Variants in NOL4 observed in about 807,000 individuals in gnomAD.
NOL4 encodes nucleolar protein 4, also known as cancer/testis antigen 125.
A neutral mutation model predicts 75.9 loss-of-function variants in NOL4; 17 were observed. That is an observed-to-expected ratio of 0.22 (90% CI 0.15 to 0.34). The LOEUF (loss-of-function observed/expected upper bound fraction) is 0.34, where lower values mean the gene tolerates loss of function less well. Ranked by LOEUF, NOL4 falls within the 10% of genes least tolerant of loss-of-function variation. NOL4 has a pLI of 1.00. For synonymous variants in NOL4, 292 were observed against 289.9 expected (o/e 1.01, Z -0.07); for missense variants, 614 against 793.5 (o/e 0.77, Z 2.72).
chr18:33,920,712 G>T (rs1398677478), intron 9 of NOL4, among the ~76,000 whole-genome samples: 1 of 152,196 alleles, frequency 6.6e-6, no homozygotes, highest in East Asian at 1.9e-4. Flanking sequence ...AATGTGTAAA[G>T]AATACTCATG....
chr18:34,148,640 G>A (rs149722376), intron 1 of NOL4, among the ~76,000 whole-genome samples: 352 of 151,998 alleles, frequency 2.3e-3, no homozygotes, highest in African/African-American at 7.8e-3. Flanking sequence ...CCAATTATGT[G>A]GTCAGTTTTA....
intron 9 of NOL4, among the ~76,000 whole-genome samples, chr18:33,887,539 T>C (rs1185213887): frequency 6.6e-6 from 1 of 151,908 alleles, no homozygotes; most frequent in Non-Finnish European, 1.5e-5. Flanking sequence ...TCATTTACAT[T>C]AGGTATTTCT....
intron 9 of NOL4, among the ~76,000 whole-genome samples, chr18:33,903,923 G>T (rs1038302987): frequency 6.6e-6 from 1 of 152,138 alleles, no homozygotes; most frequent in Non-Finnish European, 1.5e-5. Context: ...TTGCAGAAGA[G>T]ATGGGCACAT....
chr18:34,217,389 A>G (rs1054483108), intron 1 of NOL4, among the ~76,000 whole-genome samples: 4 of 151,764 alleles, frequency 2.6e-5, no homozygotes, highest in African/African-American at 9.7e-5. Context: ...GGTTCAAGCA[A>G]TTCTCCTGCC....
chr18:34,212,812 C>T (rs1231712200), intron 1 of NOL4, among the ~76,000 whole-genome samples: 1 of 152,146 alleles, frequency 6.6e-6, no homozygotes, highest in Non-Finnish European at 1.5e-5. Context: ...CCACATGCCC[C>T]CATTCCATTT....
At chr18:34,147,937 G>A (rs1600724874) in intron 1 of NOL4, among the ~76,000 whole-genome samples, 1 of 152,030 alleles carries the variant, frequency 6.6e-6, no homozygotes, top group African/African-American at 2.4e-5. Flanking sequence ...TCCCGGTTTA[G>A]TTTTGGGAGG....
At chr18:33,890,077 G>A (rs2065006914) in intron 9 of NOL4, among the ~76,000 whole-genome samples, 1 of 152,078 alleles carries the variant, frequency 6.6e-6, no homozygotes, top group African/African-American at 2.4e-5. Context: ...TATTCAGTTA[G>A]GAAAATAGGA....
At chr18:33,973,592 T>C (rs1249650282) in intron 6 of NOL4, among the ~76,000 whole-genome samples, 1 of 152,178 alleles carries the variant, frequency 6.6e-6, no homozygotes, top group African/African-American at 2.4e-5. Context: ...ATTCCTGAAA[T>C]ATAAGACTTG....
chr18:33,946,412 T>C (rs2068839020), intron 8 of NOL4, among the ~76,000 whole-genome samples: 3 of 151,772 alleles, frequency 2.0e-5, no homozygotes, highest in Admixed American at 2.0e-4. Context: ...ATATTACTCA[T>C]ATTTTAGATA....
chr18:33,931,733 C>G (rs2067707059), intron 9 of NOL4, among the ~76,000 whole-genome samples: 1 of 151,770 alleles, frequency 6.6e-6, no homozygotes, highest in South Asian at 2.1e-4. Flanking sequence ...GAATCTGTTT[C>G]TTAATAAAAT....
At chr18:34,031,415 C>T (rs2075634148) in intron 5 of NOL4, among the ~76,000 whole-genome samples, 1 of 152,208 alleles carries the variant, frequency 6.6e-6, no homozygotes, top group Admixed American at 6.5e-5. Context: ...TTAGATTCAA[C>T]AGATATATCA....
intron 1 of NOL4, among the ~76,000 whole-genome samples, chr18:34,159,222 AGCGCTCCGGGCGCC>A (rs1254506361): frequency 6.6e-6 from 1 of 152,150 alleles, no homozygotes; most frequent in Non-Finnish European, 1.5e-5. Flanking sequence ...AGGCGCGCTA[AGCGCTCCGGGCGCC>A]GCGCTCCGCG....
intron 1 of NOL4, among the ~76,000 whole-genome samples, chr18:34,171,059 G>C (rs571624936): frequency 1.8e-4 from 27 of 152,218 alleles, no homozygotes; most frequent in African/African-American, 5.1e-4. Flanking sequence ...TTAATTCATA[G>C]AATAAATGGT....
At chr18:33,909,897 C>T (rs2066291318) in intron 9 of NOL4, among the ~76,000 whole-genome samples, 1 of 151,906 alleles carries the variant, frequency 6.6e-6, no homozygotes, top group Non-Finnish European at 1.5e-5. Context: ...GTGATGTAAA[C>T]TAATGATTGG....
chr18:34,219,614 T>C (rs2037156073), intron 1 of NOL4, among the ~76,000 whole-genome samples: 1 of 152,274 alleles, frequency 6.6e-6, no homozygotes, highest in Admixed American at 6.5e-5. Flanking sequence ...TTTAAAACTA[T>C]CGCTGCTTAA....
chr18:34,140,110 A>G lies in NOL4; in HGVS notation c.265-10090T>C, dbSNP rs1482487647. 5.3e-5 allele frequency among the ~76,000 whole-genome samples: 8 copies of G among 152,232 alleles called. No homozygotes were observed. In the East Asian group the frequency reaches 1.4e-3, roughly 26 times the overall value. ...TGCTTTACTTCCAACTATGTGGTCA[A>G]TTTTGGAATAAGTGTGATGTGGTGC... On this transcript the variant is annotated intron_variant, in intron 1 of 10. Coordinates refer to ENST00000261592, the MANE Select transcript of NOL4 (RefSeq NM_003787.5).
intron 6 of NOL4, among the ~76,000 whole-genome samples, chr18:33,960,942 A>T (rs1421097635): frequency 6.6e-6 from 1 of 152,016 alleles, no homozygotes; most frequent in African/African-American, 2.4e-5. Flanking sequence ...CTAACTATGA[A>T]TTTCCCCTGA....
intron 4 of NOL4, among the ~76,000 whole-genome samples, chr18:34,102,979 A>G (rs1305363248): frequency 6.6e-6 from 1 of 152,038 alleles, no homozygotes; most frequent in African/African-American, 2.4e-5. Context: ...TATACCCTGA[A>G]TAACATCTAT....
chr18:34,183,525 T>C (rs2034213973), intron 1 of NOL4: 1 of 151,948 alleles, frequency 6.6e-6, no homozygotes. Context: ...TACATTCACA[T>C]AAAAACTTGT....
Sources: allele counts gnomAD v4.1 joint callset (sites outside exome capture counted in the v4.1 genomes callset), GRCh38; gene constraint gnomAD v4.1.1; transcripts MANE v1.5; gene names NCBI Gene and HGNC (gene_info 2026-07-23, HGNC 2026-07-21).